ASMT: variants seen among roughly 807,000 people sequenced by gnomAD.
ASMT encodes the protein acetylserotonin O-methyltransferase.
A neutral mutation model predicts 41.3 loss-of-function variants in ASMT; 53 were observed. The ratio of observed to expected loss-of-function variants is 1.28; its 90% CI spans 1.03 to 1.61. The LOEUF is 1.61. Ranked by LOEUF, ASMT falls within the 40% of genes most tolerant of loss-of-function variation. ASMT has a pLI of 0.00. For synonymous variants in ASMT, 231 were observed against 184.8 expected (o/e 1.25, Z -2.03); for missense variants, 531 against 441.3 (o/e 1.20, Z -1.82).
At chrX:1,627,227 G>A (rs1350072466) in intron 3 of ASMT, among the ~76,000 whole-genome samples, 1 of 151,428 alleles carries the variant, frequency 6.6e-6, no homozygotes, top group Non-Finnish European at 1.5e-5. Context: ...TCGGGAGGCT[G>A]AGGTAGGAAA....
intron 1 of ASMT, among the ~76,000 whole-genome samples, chrX:1,622,458 T>C (rs1221322145): frequency 2.0e-5 from 3 of 151,032 alleles, no homozygotes; most frequent in Admixed American, 1.3e-4. Context: ...GCCCGGCTAA[T>C]TTTTGTATTT....
At chrX:1,641,527 T>TGA (rs1935164583) in intron 8 of ASMT, among the ~76,000 whole-genome samples, 1 of 141,752 alleles carries the variant, frequency 7.1e-6, no homozygotes. Context: ...TCTGTGTGTG[T>TGA]GTTGGGGACA....
At chrX:1,623,912 G>A (rs1463206350) in intron 2 of ASMT, among the ~76,000 whole-genome samples, 3 of 152,068 alleles carry the variant, frequency 2.0e-5, no homozygotes, top group Non-Finnish European at 4.4e-5. Flanking sequence ...GCCTCCCTAA[G>A]CGCTGAGATT....
At chrX:1,623,067 T>G (rs1934392177) in intron 1 of ASMT, 72 bp from the exon 2 acceptor site, 3 of 1,459,162 alleles carry the variant, frequency 2.1e-6, no homozygotes, top group African/African-American at 1.4e-5. Context: ...CCTGCCATGG[T>G]ATGGGGTGTT....
intron 7 of ASMT, among the ~76,000 whole-genome samples, chrX:1,634,432 C>T (rs1934884850): frequency 1.3e-5 from 2 of 152,182 alleles, no homozygotes; most frequent in South Asian, 4.1e-4. Flanking sequence ...ATGGCAGACA[C>T]CCTGCATGGC....
At chrX:1,636,913 C>G (rs182665183) in intron 8 of ASMT, among the ~76,000 whole-genome samples, 7,712 of 112,688 alleles carry the variant, frequency 0.068, 324 homozygotes, top group East Asian at 0.11. Context: ...GGCACAGCCT[C>G]TGTGTGTGAT....
At chrX:1,628,313 C>T (rs1250595194) in intron 4 of ASMT, among the ~76,000 whole-genome samples, 9 of 152,172 alleles carry the variant, frequency 5.9e-5, no homozygotes, top group Non-Finnish European at 1.3e-4. Context: ...AAGAGTGAAA[C>T]TCCATCTCAA....
In ASMT at chrX:1,636,486, C is replaced by T; in HGVS notation, c.836C>T (p.Ala279Val). Residue 279 changes from alanine (A) to valine (V), a missense_variant, in exon 8 of 9, where the codon GCC becomes GTC. By Grantham distance (64) the Ala-to-Val change is moderately conservative. Coordinates refer to ENST00000381241, the MANE Select transcript of ASMT (RefSeq NM_001171038.2). ...PLPEADLYIL[A>V]RVLHDWADGK... is the part of the protein sequence containing the mutation. Reference sequence around the variant, plus strand: ...CCGGAAGCTGATCTGTACATCCTGGCCAGGGTCCTCCATGACTGGGCAGAC... The same window carrying T: ...CCGGAAGCTGATCTGTACATCCTGGTCAGGGTCCTCCATGACTGGGCAGAC... 1.9e-6 allele frequency: 3 copies of T among 1,613,910 alleles called. No individual in the cohort carries two copies. Among genetic ancestry groups the T allele is most frequent in the Non-Finnish European group, 2.5e-6 (3 of 1,179,874 alleles).
At chrX:1,623,700 C>T (rs1334772864) in intron 2 of ASMT, among the ~76,000 whole-genome samples, 3 of 152,116 alleles carry the variant, frequency 2.0e-5, no homozygotes, top group Non-Finnish European at 4.4e-5. Flanking sequence ...TGGGGGATTC[C>T]TTGAGCCCAG....
rs201836106 is a variant in ASMT, at chrX:1,642,780, G to A, written c.911-23G>A. 125 of 1,603,102 alleles carry A rather than the reference G, an allele frequency of 7.8e-5. No homozygotes were observed. The African/African-American group carries it at 1.4e-3, about 17-fold the overall frequency. On this transcript the variant is annotated intron_variant, in intron 8 of 8. Transcript: ENST00000381241. Reference sequence around the variant, plus strand: ...CTGTCTGTGTGTTTGTGTGTGATGTGGACTGTGCCCCTCCCTTTCTAGGTG... The same window carrying A: ...CTGTCTGTGTGTTTGTGTGTGATGTAGACTGTGCCCCTCCCTTTCTAGGTG...
intron 1 of ASMT, among the ~76,000 whole-genome samples, chrX:1,620,857 C>A (rs1342649918): frequency 4.0e-5 from 6 of 151,656 alleles, no homozygotes; most frequent in South Asian, 2.1e-4. Flanking sequence ...CCACTGCACT[C>A]CAGCCTGGCG....
At chrX:1,632,448 G>A (rs1373264947) in intron 5 of ASMT, among the ~76,000 whole-genome samples, 3 of 152,124 alleles carry the variant, frequency 2.0e-5, no homozygotes, top group African/African-American at 4.8e-5. Flanking sequence ...TCAGGAGATC[G>A]AGACCATCCT....
At chrX:1,635,802 C>T (rs768971743) in intron 7 of ASMT, among the ~76,000 whole-genome samples, 15 of 151,540 alleles carry the variant, frequency 9.9e-5, no homozygotes, top group East Asian at 9.8e-4. Flanking sequence ...GTGGAGGTTG[C>T]GGTGAGCTGA....
At chrX:1,619,241 A>G (rs1934247436) in intron 1 of ASMT, among the ~76,000 whole-genome samples, 1 of 151,878 alleles carries the variant, frequency 6.6e-6, no homozygotes, top group Non-Finnish European at 1.5e-5. Context: ...TAAAAATACA[A>G]AAATTACCTG....
Position 1,623,279 on chromosome X carries a change from G to C in ASMT, c.210G>C (p.Leu70=). ...TELLLDICVS[L]KLLKVETRGG... ...TCCTGCTGGACATCTGTGTGTCCCT[G>C]AAGCTGCTGAAAGTGGAGACGAGGG... Residue 70 remains leucine (L), a synonymous_variant, in exon 2 of 9, where the codon CTG becomes CTC. Transcript: ENST00000381241. 6.2e-7 allele frequency: 1 copy of C among 1,613,964 alleles called. No homozygotes were observed. Among genetic ancestry groups the C allele is most frequent in the Non-Finnish European group, 8.5e-7 (1 of 1,179,876 alleles).
Position 1,636,557 on chromosome X carries a change from C to G in ASMT, c.907C>G (p.Pro303Ala), listed in dbSNP as rs760913251. 4 of 1,609,716 alleles carry G rather than the reference C, an allele frequency of 2.5e-6. No individual in the cohort carries two copies. Among genetic ancestry groups the G allele is most frequent in the South Asian group, 1.1e-5 (1 of 90,806 alleles). Residue 303 changes from proline (P) to alanine (A), a missense_variant, in exon 8 of 9, where the codon CCA becomes GCA. Coordinates refer to ENST00000381241, the MANE Select transcript of ASMT (RefSeq NM_001171038.2). Reference protein sequence around the residue: ...LLERIYHTCKPGGGILVIESL... With the variant: ...LLERIYHTCKAGGGILVIESL... Reference sequence around the variant, plus strand: ...GGAGAGGATCTACCACACTTGCAAGCCAGGTAAGTTGTGGGGTTTGCATTT... The same window carrying G: ...GGAGAGGATCTACCACACTTGCAAGGCAGGTAAGTTGTGGGGTTTGCATTT...
chrX:1,616,644 G>A (rs1157763248), intron 1 of ASMT, among the ~76,000 whole-genome samples: 1 of 151,358 alleles, frequency 6.6e-6, no homozygotes, highest in Non-Finnish European at 1.5e-5. Context: ...CCGAAACGAG[G>A]GAATCGCTTT....
intron 8 of ASMT, among the ~76,000 whole-genome samples, chrX:1,641,381 GT>G (rs1935151813): frequency 7.3e-6 from 1 of 137,866 alleles, no homozygotes; most frequent in African/African-American, 2.6e-5. Context: ...CCATGTCCCA[GT>G]GTCCTGTGAG....
Position 1,636,441 on chromosome X carries a change from A to T in ASMT, c.791A>T (p.Asp264Val). 1.2e-6 allele frequency: 2 copies of T among 1,613,726 alleles called. No homozygotes were observed. The highest frequency in any genetic ancestry group is 1.7e-6 in the Non-Finnish European group (2 of 1,179,834). ...GTGTGCCTGCCCTGTGTTCCAGGGGATTTCTTCAAAGACCCTCTTCCGGAA... is the reference window on the plus strand; with the variant it reads ...GTGTGCCTGCCCTGTGTTCCAGGGGTTTTCTTCAAAGACCCTCTTCCGGAA... The part of the protein sequence containing the change: ...EEEQIDFQEG[D>V]FFKDPLPEAD... The change falls in exon 8 of 9, where the codon GAT becomes GTT. Residue 264 changes from aspartate (D) to valine (V), a missense_variant. Physicochemically the swap from Asp to Val is radical, Grantham distance 152 (BLOSUM62 -3). Transcript: ENST00000381241.
Sources: allele counts gnomAD v4.1 joint callset (sites outside exome capture counted in the v4.1 genomes callset), GRCh38; gene constraint gnomAD v4.1.1; transcripts MANE v1.5; gene names NCBI Gene and HGNC (gene_info 2026-07-23, HGNC 2026-07-21).